CNGA4: variants seen among roughly 807,000 people sequenced by gnomAD.
The protein encoded by CNGA4 is cyclic nucleotide-gated channel alpha-4.
A neutral mutation model predicts 45.6 loss-of-function variants in CNGA4; 32 were observed. That is an observed-to-expected ratio of 0.70 (90% CI 0.53 to 0.94). The LOEUF (loss-of-function observed/expected upper bound fraction) is 0.94. Ranked by LOEUF, CNGA4 falls within the 40% of genes least tolerant of loss-of-function variation. CNGA4 has a pLI of 0.00. For missense variants in CNGA4, 726 were observed against 755.1 expected, an observed-to-expected ratio of 0.96 and a Z score of 0.45; for synonymous variants, 293 against 304.6, an observed-to-expected ratio of 0.96 and a Z score of 0.40.
intron 4 of CNGA4, among the ~76,000 whole-genome samples, chr11:6,241,145 G>A (rs1288506158): frequency 6.6e-6 from 1 of 152,198 alleles, no homozygotes; most frequent in Non-Finnish European, 1.5e-5. Flanking sequence ...AGGGTCCCCA[G>A]AGAGGAGGGG....
In CNGA4 at chr11:6,240,852, C is replaced by T; in HGVS notation, c.917+141C>T. On this transcript the variant is annotated intron_variant, in intron 4 of 5. Transcript: ENST00000379936. This position sits in a 1 kb window ranked among gnomAD's most constrained non-coding sequence, Gnocchi z 4.9. ...TCAGCCGTGGGTTTGCTGGCTGGGG[C>T]TTGGAAAAAGGGAACTTCTTTCAAC... The T allele has an allele frequency of 1.9e-6, 2 of 1,077,238 alleles. No individual in the cohort carries two copies. The highest frequency in any genetic ancestry group is 2.6e-6 in the Non-Finnish European group (2 of 757,844). The allele number at this position is 1,077,238 out of a possible 1,614,324, so 66.7% of individuals were successfully genotyped here. A position where few individuals can be genotyped will look rare whatever the true frequency, so the allele number is the denominator to read the frequency against.
At chr11:6,243,184 G>T (rs2133880576) in intron 5 of CNGA4, among the ~76,000 whole-genome samples, 1 of 152,132 alleles carries the variant, frequency 6.6e-6, no homozygotes, top group South Asian at 2.1e-4. Context: ...CTCCTACTCA[G>T]TTCAGGTGTA....
At position 6,239,152 on chromosome 11, in the gene CNGA4, C is replaced by T; in HGVS notation, c.-55C>T. The T allele has an allele frequency of 6.2e-7, 1 of 1,611,972 alleles. No homozygotes were observed. The highest frequency in any genetic ancestry group is 8.5e-7 in the Non-Finnish European group (1 of 1,179,856). ...CACTAGTGCCCAACTCCAGAAGTCCCCTACAGGCAGAGAGGGTGTGGACAT... is the reference window on the plus strand; with the variant it reads ...CACTAGTGCCCAACTCCAGAAGTCCTCTACAGGCAGAGAGGGTGTGGACAT... On this transcript the variant is annotated 5_prime_UTR_variant, in exon 1 of 6. Coordinates refer to ENST00000379936, the MANE Select transcript of CNGA4 (RefSeq NM_001037329.4).
upstream of CNGA4, among the ~76,000 whole-genome samples, chr11:6,237,045 A>G (rs1456979798): frequency 6.6e-6 from 1 of 152,186 alleles, no homozygotes; most frequent in Non-Finnish European, 1.5e-5. Context: ...GTCAAACAGA[A>G]CTTCTCACAA....
upstream of CNGA4, chr11:6,235,599 A>G (rs183282515): frequency 2.1e-6 from 2 of 938,598 alleles, no homozygotes; most frequent in East Asian, 2.3e-4. Context: ...AGAGTAAGAT[A>G]AACTAAAATA....
At chr11:6,236,087 T>A (rs1847833765), upstream of CNGA4, among the ~76,000 whole-genome samples, 2 of 152,184 alleles carry the variant, frequency 1.3e-5, no homozygotes. Context: ...TTTTGCAACT[T>A]TTCTGTAAGC....
chr11:6,241,696 G>T lies in CNGA4; in HGVS notation c.1183G>T (p.Val395Leu). 6.2e-7 allele frequency: 1 copy of T among 1,614,196 alleles called. No individual in the cohort carries two copies. The highest frequency in any genetic ancestry group is 1.1e-5 in the South Asian group (1 of 91,084). The change falls in exon 5 of 6, where the codon GTG becomes TTG. Residue 395 changes from valine (V) to leucine (L), a missense_variant. By Grantham distance (32) the Val-to-Leu change is conservative (BLOSUM62 1). Transcript: ENST00000379936. ...MYIIREGQLA[V>L]VADDGITQYA... Reference sequence around the variant, plus strand: ...CATCATCCGAGAGGGTCAACTGGCCGTGGTGGCAGATGATGGTATCACACA... The same window carrying T: ...CATCATCCGAGAGGGTCAACTGGCCTTGGTGGCAGATGATGGTATCACACA...
downstream of CNGA4, among the ~76,000 whole-genome samples, chr11:6,244,613 C>T (rs1024549975): frequency 8.0e-6 from 1 of 124,954 alleles, no homozygotes; most frequent in Non-Finnish European, 1.9e-5. The surrounding 1 kb of genome is among the most constrained non-coding windows in gnomAD (Gnocchi z 4.5). Flanking sequence ...CACACACACA[C>T]ACACACACAC....
rs774342647 is a variant in CNGA4 at position 6,244,140 on chromosome 11, A to T, written c.1459A>T (p.Ile487Phe). The T allele has an allele frequency of 1.4e-5, 23 of 1,614,096 alleles. No homozygotes were observed. Among genetic ancestry groups the T allele is most frequent in the Middle Eastern group, 3.3e-4 (2 of 6,084 alleles). Residue 487 changes from isoleucine (I) to phenylalanine (F), a missense_variant, in exon 6 of 6, where the codon ATC (isoleucine) becomes TTC (phenylalanine). Coordinates refer to ENST00000379936, the MANE Select transcript of CNGA4 (RefSeq NM_001037329.4). This position sits in a 1 kb window ranked among gnomAD's most constrained non-coding sequence, Gnocchi z 4.5. ...GGACGTGAATGCTGAGGCAGCTGAG[A>T]TCGCCCTGCAGGAGGCCACAGAGTC... ...KLDVNAEAAE[I>F]ALQEATESRL...
chr11:6,240,408 A>C lies in CNGA4; in HGVS notation c.614A>C (p.Asp205Ala). 1 of 1,614,036 alleles carries C rather than the reference A, an allele frequency of 6.2e-7. No individual in the cohort carries two copies. The highest frequency in any genetic ancestry group is 8.5e-7 in the Non-Finnish European group (1 of 1,179,998). ...GFGRDAWVYP[D>A]PAQPGFERLR... ...GGGCGTGACGCATGGGTGTACCCGGACCCCGCGCAGCCTGGCTTTGAGCGC... is the reference window on the plus strand; with the variant it reads ...GGGCGTGACGCATGGGTGTACCCGGCCCCCGCGCAGCCTGGCTTTGAGCGC... The change falls in exon 4 of 6, where the codon GAC (aspartate) becomes GCC (alanine). Residue 205 changes from aspartate (D) to alanine (A), a missense_variant. Physicochemically the swap from Asp to Ala is moderately radical, Grantham distance 126 (BLOSUM62 -2). Transcript: ENST00000379936. The surrounding 1 kb of genome is among the most constrained non-coding windows in gnomAD (Gnocchi z 4.9).
Position 6,239,246 on chromosome 11 carries a change from C to CT in CNGA4, c.40_41insT (p.Pro14LeufsTer35). 2 of 1,614,160 alleles carry CT rather than the reference C, an allele frequency of 1.2e-6. No homozygotes were observed. The highest frequency in any genetic ancestry group is 1.7e-6 in the Non-Finnish European group (2 of 1,180,036). On this transcript the variant is annotated frameshift_variant, in exon 1 of 6. Transcript: ENST00000379936. LOFTEE classifies it high-confidence loss of function. ...CAAAGTGAAGACAACAGAGTCCAGT[C>CT]CCCCAGCCCCATCCAAGGCCAGGTG...
chr11:6,240,770 G>A lies in CNGA4; in HGVS notation c.917+59G>A. Reference sequence around the variant, plus strand: ...CCAGTGTAGGTGATGGAACCTGAGGGAGGTAACTGGGTCCTTAGTGCCTGG... The same window carrying A: ...CCAGTGTAGGTGATGGAACCTGAGGAAGGTAACTGGGTCCTTAGTGCCTGG... On this transcript the variant is annotated intron_variant, in intron 4 of 5. Coordinates refer to ENST00000379936, the MANE Select transcript of CNGA4 (RefSeq NM_001037329.4). The surrounding 1 kb of genome is among the most constrained non-coding windows in gnomAD (Gnocchi z 4.9). 1.3e-6 allele frequency: 2 copies of A among 1,560,638 alleles called. No individual in the cohort carries two copies. Among genetic ancestry groups the A allele is most frequent in the South Asian group, 1.2e-5 (1 of 83,100 alleles).
chr11:6,239,798 G>A lies in CNGA4; in HGVS notation c.271+8G>A, dbSNP rs1259710426. The A allele has an allele frequency of 6.2e-7, 1 of 1,610,032 alleles. No individual in the cohort carries two copies. Among genetic ancestry groups the A allele is most frequent in the Non-Finnish European group, 8.5e-7 (1 of 1,177,096 alleles). On this transcript the variant is annotated splice_region_variant and intron_variant, in intron 3 of 5. Transcript: ENST00000379936. ...TGGTGCGCTTCCACACAGGTCAGTG[G>A]GCTTCTAGGAATGACCCTTTGTCCC... is the stretch of plus-strand genomic sequence containing the variant.
Position 6,243,954 on chromosome 11 carries a change from A to G in CNGA4, c.1273A>G (p.Met425Val). 1.9e-6 allele frequency: 3 copies of G among 1,612,608 alleles called. No individual in the cohort carries two copies. The highest frequency in any genetic ancestry group is 1.3e-5 in the African/African-American group (1 of 75,026). The change falls in exon 6 of 6, where the codon ATG becomes GTG. Residue 425 changes from methionine to valine, a missense_variant. Coordinates refer to ENST00000379936, the MANE Select transcript of CNGA4 (RefSeq NM_001037329.4). ...TCTCTGCCCATGAGCCACAGGGAAC[A>G]TGTCTGGGAACCGCCGCACAGCCAA... is the stretch of plus-strand genomic sequence containing the variant. ...EISIINIKGN[M>V]SGNRRTANIK...
chr11:6,241,457 A>G lies in CNGA4; in HGVS notation c.944A>G (p.Lys315Arg), dbSNP rs1847916564. The G allele has an allele frequency of 1.3e-6, 2 of 1,592,938 alleles. No individual in the cohort carries two copies. Among genetic ancestry groups the G allele is most frequent in the South Asian group, 2.3e-5 (2 of 88,132 alleles). Residue 315 changes from lysine to arginine, a missense_variant, in exon 5 of 6, where the codon AAG (lysine) becomes AGG (arginine). Physicochemically the swap from Lys to Arg is conservative, Grantham distance 26. Transcript: ENST00000379936. ...DWYQHLQINK[K>R]MTNEVAILQH... ...TATCAGCACCTGCAGATCAACAAGA[A>G]GATGACCAACGAGGTAGCCATCTTA...
At position 6,240,152 on chromosome 11, in the gene CNGA4, G is replaced by T; in HGVS notation, c.358G>T (p.Ala120Ser). Residue 120 changes from alanine (A) to serine (S), a missense_variant, in exon 4 of 6, where the codon GCT (alanine) becomes TCT (serine). Transcript: ENST00000379936. The surrounding 1 kb of genome is among the most constrained non-coding windows in gnomAD (Gnocchi z 4.9). ...VRTWSFFLDL[A>S]SLMPTDVVYV... ...CACCTGGAGTTTCTTCTTGGACCTG[G>T]CTTCCCTGATGCCCACAGATGTGGT... 2 of 1,614,198 alleles carry T rather than the reference G, an allele frequency of 1.2e-6. No homozygotes were observed. Among genetic ancestry groups the T allele is most frequent in the African/African-American group, 1.3e-5 (1 of 75,068 alleles).
In CNGA4 at chr11:6,239,175, C is replaced by T; in HGVS notation, c.-32C>T. 6.2e-7 allele frequency: 1 copy of T among 1,612,618 alleles called. No homozygotes were observed. The highest frequency in any genetic ancestry group is 8.5e-7 in the Non-Finnish European group (1 of 1,179,996). On this transcript the variant is annotated 5_prime_UTR_variant, in exon 1 of 6. Transcript: ENST00000379936. ...CCCCTACAGGCAGAGAGGGTGTGGA[C>T]ATCTCACACCCCAGCACCAGACCAC...
Position 6,240,555 on chromosome 11 carries a change from C to G in CNGA4, c.761C>G (p.Ala254Gly). 3.7e-6 allele frequency: 6 copies of G among 1,614,232 alleles called. No homozygotes were observed. Among genetic ancestry groups the G allele is most frequent in the Non-Finnish European group, 5.1e-6 (6 of 1,180,038 alleles). ...TTCATGGTGGGCGACTTCCTGCTGG[C>G]CGTCATGGGTTTCGCCACCATCATG... ...YLFMVGDFLL[A>G]VMGFATIMGS... Residue 254 changes from alanine to glycine, a missense_variant, in exon 4 of 6, where the codon GCC (alanine) becomes GGC (glycine). Transcript: ENST00000379936. This position sits in a 1 kb window ranked among gnomAD's most constrained non-coding sequence, Gnocchi z 4.9.
At chr11:6,239,003 A>G (rs566444533), upstream of CNGA4, 47 of 1,415,370 alleles carry the variant, frequency 3.3e-5, no homozygotes, top group Non-Finnish European at 4.1e-5. Context: ...GAGACAGGGC[A>G]GAGTGCTAGA....
Sources: gnomAD v4.1 joint callset for allele counts (sites outside exome capture counted in the v4.1 genomes callset) on GRCh38, gnomAD v4.1.1 for gene constraint, Gnocchi (gnomAD v3.1) non-coding constraint, MANE v1.5 for transcripts, NCBI Gene and HGNC (gene_info 2026-07-23, HGNC 2026-07-21) for gene names.